CPQ: variants seen among roughly 807,000 people sequenced by gnomAD.
CPQ encodes the protein carboxypeptidase Q.
Under a neutral mutation model 45.7 loss-of-function variants are expected in CPQ, and 37 were observed. That is an observed-to-expected ratio of 0.81 (90% CI 0.62 to 1.07). CPQ has a LOEUF of 1.07. Ranked by LOEUF, CPQ falls within the 50% of genes least tolerant of loss-of-function variation. The probability of loss-of-function intolerance (pLI) is 0.00; values close to 1 mark genes in which losing one functional copy is unlikely to be tolerated. For synonymous variants in CPQ, 186 were observed against 205.8 expected (o/e 0.90, Z 0.82); for missense variants, 537 against 572.9 (o/e 0.94, Z 0.64).
At chr8:96,737,841 T>C (rs566030146) in intron 1 of CPQ, among the ~76,000 whole-genome samples, 14 of 152,330 alleles carry the variant, frequency 9.2e-5, no homozygotes, top group Non-Finnish European at 1.2e-4. Flanking sequence ...TTAAAAATTA[T>C]GTATATTTAA....
At chr8:96,730,115 G>A (rs1274187882) in intron 1 of CPQ, among the ~76,000 whole-genome samples, 1 of 152,178 alleles carries the variant, frequency 6.6e-6, no homozygotes, top group Non-Finnish European at 1.5e-5. Context: ...TCCCAGCAGG[G>A]CTGACAGACA....
intron 7 of CPQ, among the ~76,000 whole-genome samples, chr8:97,099,962 G>C (rs1368029366): frequency 6.6e-6 from 1 of 152,154 alleles, no homozygotes; most frequent in African/African-American, 2.4e-5. Context: ...ATATTAACTA[G>C]CTATGTACCT....
chr8:97,021,386 GAGAA>G (rs1273329392), intron 5 of CPQ, among the ~76,000 whole-genome samples: 3 of 152,222 alleles, frequency 2.0e-5, no homozygotes, highest in East Asian at 3.9e-4. Context: ...AGTCAGACAA[GAGAA>G]AGAAATAAAG....
intron 7 of CPQ, among the ~76,000 whole-genome samples, chr8:97,102,894 G>C (rs1797716730): frequency 6.6e-6 from 1 of 152,154 alleles, no homozygotes; most frequent in Non-Finnish European, 1.5e-5. Context: ...GAGGTCAAAA[G>C]TCAGAAATCT....
At chr8:96,908,808 T>G (rs1812618383) in intron 4 of CPQ, among the ~76,000 whole-genome samples, 1 of 150,970 alleles carries the variant, frequency 6.6e-6, no homozygotes, top group Non-Finnish European at 1.5e-5. Flanking sequence ...GTGTTTTATT[T>G]TCCTTTTGTA....
intron 6 of CPQ, among the ~76,000 whole-genome samples, chr8:97,045,616 A>T (rs1586512733): frequency 6.6e-6 from 1 of 152,152 alleles, no homozygotes; most frequent in South Asian, 2.1e-4. Context: ...AGCTGTTCCT[A>T]TTCAGCCATC....
chr8:97,100,641 A>G (rs1271864749), intron 7 of CPQ, among the ~76,000 whole-genome samples: 1 of 152,200 alleles, frequency 6.6e-6, no homozygotes, highest in Non-Finnish European at 1.5e-5. Context: ...TACATAGAAC[A>G]TATATTTTTA....
At chr8:96,927,421 A>G (rs144509135) in intron 4 of CPQ, among the ~76,000 whole-genome samples, 60 of 152,256 alleles carry the variant, frequency 3.9e-4, no homozygotes, top group African/African-American at 1.4e-3. Context: ...GCTGGGAAAC[A>G]AAGCACATTA....
intron 4 of CPQ, among the ~76,000 whole-genome samples, chr8:96,958,973 G>C (rs948208284): frequency 1.3e-5 from 2 of 151,420 alleles, no homozygotes; most frequent in Non-Finnish European, 2.9e-5. Flanking sequence ...CATGTTTGCT[G>C]TGTTGCCTCT....
intron 2 of CPQ, among the ~76,000 whole-genome samples, chr8:96,826,150 A>G (rs1811376446): frequency 1.3e-5 from 2 of 152,062 alleles, no homozygotes; most frequent in Admixed American, 6.6e-5. Context: ...ATTCTTTGTC[A>G]TTTAGTCTAC....
chr8:97,051,915 C>T (rs1212660209), intron 6 of CPQ, among the ~76,000 whole-genome samples: 1 of 152,150 alleles, frequency 6.6e-6, no homozygotes, highest in Non-Finnish European at 1.5e-5. Context: ...CATGGTTGCC[C>T]TAGTCACTTG....
intron 2 of CPQ, among the ~76,000 whole-genome samples, chr8:96,805,385 C>A (rs923151253): frequency 3.3e-5 from 5 of 152,110 alleles, no homozygotes; most frequent in African/African-American, 1.2e-4. Context: ...TGGCTTTCCT[C>A]ATCCAATTAA....
intron 1 of CPQ, among the ~76,000 whole-genome samples, chr8:96,681,503 G>A (rs1437620987): frequency 3.9e-5 from 6 of 152,212 alleles, no homozygotes; most frequent in Admixed American, 1.3e-4. Flanking sequence ...AGATTTCAGA[G>A]GATGTATAGA....
chr8:97,115,094 T>C (rs1001940437), intron 7 of CPQ, among the ~76,000 whole-genome samples: 1 of 151,888 alleles, frequency 6.6e-6, no homozygotes, highest in African/African-American at 2.4e-5. Flanking sequence ...AGGAAGGAGG[T>C]GTGACAGGAG....
chr8:96,676,304 C>T (rs548695884), intron 1 of CPQ, among the ~76,000 whole-genome samples: 41 of 152,158 alleles, frequency 2.7e-4, no homozygotes, highest in Admixed American at 1.8e-3. Context: ...TCATTCTACT[C>T]TCTATCTCCA....
intron 7 of CPQ, among the ~76,000 whole-genome samples, chr8:97,068,496 G>T (rs1354008771): frequency 1.3e-5 from 2 of 152,100 alleles, no homozygotes; most frequent in Admixed American, 1.3e-4. Context: ...AGCCGGATGT[G>T]GTGGTGCAAG....
chr8:97,087,207 A>G (rs1296112124), intron 7 of CPQ, among the ~76,000 whole-genome samples: 1 of 152,214 alleles, frequency 6.6e-6, no homozygotes, highest in Admixed American at 6.5e-5. Flanking sequence ...CAACAGGAGC[A>G]TTCTGTGCGA....
chr8:96,958,965 T>A (rs1813404780), intron 4 of CPQ, among the ~76,000 whole-genome samples: 1 of 150,268 alleles, frequency 6.7e-6, no homozygotes, highest in Non-Finnish European at 1.5e-5. Context: ...GGAACCCACA[T>A]GTTTGCTGTG....
intron 1 of CPQ, among the ~76,000 whole-genome samples, chr8:96,744,655 T>A (rs778731305): frequency 8.0e-4 from 122 of 152,358 alleles, no homozygotes; most frequent in Non-Finnish European, 1.6e-3. Context: ...TTTTCTTGAT[T>A]TTTCTATAAA....
Sources: gnomAD v4.1 joint callset for allele counts (sites outside exome capture counted in the v4.1 genomes callset) on GRCh38, gnomAD v4.1.1 for gene constraint, MANE v1.5 for transcripts, NCBI Gene and HGNC (gene_info 2026-07-23, HGNC 2026-07-21) for gene names.